Variants in CTSZ observed in about 807,000 individuals in gnomAD.
CTSZ encodes carboxypeptidase LB.
CTSZ carries 39 observed loss-of-function variants against 32.4 expected under a neutral mutation model. The observed-to-expected ratio is 1.20, with a 90% CI of 0.93 to 1.57. The LOEUF (loss-of-function observed/expected upper bound fraction) is 1.57, where lower values mean the gene tolerates loss of function less well. Among genes scored for constraint, CTSZ ranks in the 40% most tolerant of loss-of-function variants. The pLI is 0.00. For missense variants in CTSZ, 397 were observed against 419.6 expected, an observed-to-expected ratio of 0.95 and a Z score of 0.47; for synonymous variants, 168 against 170.1, an observed-to-expected ratio of 0.99 and a Z score of 0.10.
rs1215751738 is a variant in CTSZ at position 59,007,156 on chromosome 20, T to TCCGGATCCCGCTCCGAGTC, written c.-47_-29dup. 1.2e-5 allele frequency: 16 copies of TCCGGATCCCGCTCCGAGTC among 1,320,798 alleles called. No homozygotes were observed. In the African/African-American group the frequency reaches 1.6e-4, roughly 13 times the overall value. 81.8% of individuals were successfully genotyped at this position (1,320,798 alleles called of 1,614,324 possible). A position where few individuals can be genotyped will look rare whatever the true frequency, so the allele number is the denominator to read the frequency against. On this transcript the variant is annotated 5_prime_UTR_variant, in exon 1 of 6. Coordinates refer to ENST00000217131, the MANE Select transcript of CTSZ (RefSeq NM_001336.4). ...CCCCGCGCCGGCTCCTGGGTCCCGC[T>TCCGGATCCCGCTCCGAGTC]CCGGATCCCGCTCCGAGTCCCAGAT...
intron 5 of CTSZ, among the ~76,000 whole-genome samples, chr20:58,996,061 A>G (rs2091858336): frequency 6.6e-6 from 1 of 152,278 alleles, no homozygotes; most frequent in East Asian, 1.9e-4. Context: ...CCCATTAGTC[A>G]CCTAGTAAAA....
At chr20:59,005,956 C>T (rs1357381486) in intron 2 of CTSZ, 2 of 230,216 alleles carry the variant, frequency 8.7e-6, no homozygotes, top group African/African-American at 4.5e-5. Flanking sequence ...GACAGGCTTT[C>T]ATCTGTGCTG....
Position 59,004,459 on chromosome 20 carries a change from C to T in CTSZ, c.307+1863G>A, listed in dbSNP as rs1221033643. The stretch of plus-strand genomic sequence containing the variant: ...CCAGGTGGCAGTGGAAAGAACAGTG[C>T]CGGTGGAGTGGCAGAGGTGGGACTG... On this transcript the variant is annotated intron_variant, in intron 2 of 5. Coordinates refer to ENST00000217131, the MANE Select transcript of CTSZ (RefSeq NM_001336.4). This position sits in a 1 kb window ranked among gnomAD's most constrained non-coding sequence, Gnocchi z 5.6. Among the ~76,000 whole-genome samples the T allele has an allele frequency of 1.3e-5, 2 of 151,582 alleles. No homozygotes were observed. The highest frequency in any genetic ancestry group is 2.9e-5 in the Non-Finnish European group (2 of 67,862).
chr20:58,996,398 A>C (rs1286916527), intron 5 of CTSZ, among the ~76,000 whole-genome samples: 1 of 152,122 alleles, frequency 6.6e-6, no homozygotes, highest in African/African-American at 2.4e-5. Context: ...GGAGTCACCT[A>C]GTGGGTGGAG....
In CTSZ at chr20:59,002,622, C is replaced by T. The variant is rs2091894131; in HGVS notation, c.308-978G>A. On this transcript the variant is annotated intron_variant, in intron 2 of 5. Transcript: ENST00000217131. This position sits in a 1 kb window ranked among gnomAD's most constrained non-coding sequence, Gnocchi z 4.1. ...ACAGTCCGCTCCTCCACCTGGCCTC[C>T]TCCCGGTCGCCCAGCCAGGGGCCTT... Among the ~76,000 whole-genome samples, 1 of 152,166 alleles carries T rather than the reference C, an allele frequency of 6.6e-6. No homozygotes were observed. The highest frequency in any genetic ancestry group is 2.1e-4 in the South Asian group (1 of 4,826).
chr20:58,998,400 T>C (rs2091871209), intron 3 of CTSZ, among the ~76,000 whole-genome samples: 1 of 151,092 alleles, frequency 6.6e-6, no homozygotes, highest in Non-Finnish European at 1.5e-5. Context: ...AAAAATTAGC[T>C]GGGTGTGGTG....
Position 59,007,212 on chromosome 20 carries a change from C to CCAGCCT in CTSZ, c.-85_-84insAGGCTG, listed in dbSNP as rs1555808125. ...GCCGGCTCCCGCTCTGGATCCCGCC[C>CCAGCCT]CGGCCTCGGCCTCGGCCCAGCACCC... On this transcript the variant is annotated 5_prime_UTR_variant, in exon 1 of 6. Coordinates refer to ENST00000217131, the MANE Select transcript of CTSZ (RefSeq NM_001336.4). 10 of 1,122,250 alleles carry CCAGCCT rather than the reference C, an allele frequency of 8.9e-6. No homozygotes were observed. The highest frequency in any genetic ancestry group is 1.9e-5 in the African/African-American group (1 of 53,612). The allele number at this position is 1,122,250 out of a possible 1,614,324, so 69.5% of individuals were successfully genotyped here.
intron 3 of CTSZ, 142 bp from the exon 4 acceptor site, chr20:58,997,895 G>A: frequency 1.5e-6 from 1 of 662,382 alleles, no homozygotes; most frequent in South Asian, 3.0e-5. Context: ...GCTATTAGGT[G>A]CTGCTTAATG....
intron 2 of CTSZ, 91 bp from the exon 3 acceptor site, chr20:59,001,735 C>T (rs1207605339): frequency 2.2e-6 from 3 of 1,350,964 alleles, no homozygotes; most frequent in Admixed American, 3.7e-5. Context: ...GATGCAGGCG[C>T]TGCCCAGCCT....
chr20:59,001,105 A>G (rs1469104218), intron 3 of CTSZ, among the ~76,000 whole-genome samples: 1 of 152,176 alleles, frequency 6.6e-6, no homozygotes, highest in African/African-American at 2.4e-5. Context: ...CTGAGATTAC[A>G]GGCATGAGCC....
In CTSZ at chr20:59,004,942, C is replaced by T. The variant is rs115370703; in HGVS notation, c.307+1380G>A. The stretch of plus-strand genomic sequence containing the variant: ...CTTTCTACCCGCAGTCCTTCACAGA[C>T]GCACATCTTGTCACCTGACTCCCTC... On this transcript the variant is annotated intron_variant, in intron 2 of 5. Coordinates refer to ENST00000217131, the MANE Select transcript of CTSZ (RefSeq NM_001336.4). This position sits in a 1 kb window ranked among gnomAD's most constrained non-coding sequence, Gnocchi z 5.6. Among the ~76,000 whole-genome samples, 256 of 152,226 alleles carry T rather than the reference C, an allele frequency of 1.7e-3. No individual in the cohort carries two copies. The highest frequency in any genetic ancestry group is 5.9e-3 in the African/African-American group (244 of 41,518).
intron 3 of CTSZ, among the ~76,000 whole-genome samples, chr20:58,998,718 T>C (rs975972423): frequency 6.6e-6 from 1 of 152,058 alleles, no homozygotes; most frequent in Non-Finnish European, 1.5e-5. Flanking sequence ...TATAAATTAA[T>C]TTAAAAAAAA....
At position 58,995,803 on chromosome 20, in the gene CTSZ, C is replaced by G. The variant is rs769169843; in HGVS notation, c.802-44G>C. 16 of 1,557,532 alleles carry G rather than the reference C, an allele frequency of 1.0e-5. No homozygotes were observed. In the Admixed American group the frequency reaches 2.7e-4, roughly 26 times the overall value. On this transcript the variant is annotated intron_variant, in intron 5 of 5. Coordinates refer to ENST00000217131, the MANE Select transcript of CTSZ (RefSeq NM_001336.4). ...CGCGTCAGCCCATCTGCAGCCGTCTCCCGCTCCCCTTGCTGCCGTCAGCCC... is the reference window on the plus strand; with the variant it reads ...CGCGTCAGCCCATCTGCAGCCGTCTGCCGCTCCCCTTGCTGCCGTCAGCCC...
At chr20:58,997,953 G>T (rs1452538339) in intron 3 of CTSZ, among the ~76,000 whole-genome samples, 200 bp from the exon 4 acceptor site, 1 of 152,152 alleles carries the variant, frequency 6.6e-6, no homozygotes, top group Non-Finnish European at 1.5e-5. Flanking sequence ...CCTTCCCCAG[G>T]CCTTGGCAGA....
rs918868200 is a variant in CTSZ, at chr20:59,006,547, A to G, written c.144-62T>C. ...GGCTCCCGGGGGCCGTGGGCCCAGG[A>G]AGCCCTCGGTAGGGCCCTCCCGCCT... On this transcript the variant is annotated intron_variant, in intron 1 of 5. Transcript: ENST00000217131. The G allele has an allele frequency of 5.2e-6, 8 of 1,537,964 alleles. No homozygotes were observed. In the East Asian group the frequency reaches 1.1e-4, roughly 22 times the overall value.
rs368797360 is a variant in CTSZ, at chr20:58,995,681, C to G, written c.880G>C (p.Glu294Gln). Residue 294 changes from glutamate to glutamine, a missense_variant, in exon 6 of 6, where the codon GAG (glutamate) becomes CAG (glutamine). Physicochemically the swap from Glu to Gln is conservative, Grantham distance 29. Transcript: ENST00000217131. ...KGARYNLAIE[E>Q]HCTFGDPIV ...ATGGGGTCCCCAAATGTACAGTGCT[C>G]CTCGATGGCAAGGTTGTATCTGGCG... 11 of 1,614,186 alleles carry G rather than the reference C, an allele frequency of 6.8e-6. No individual in the cohort carries two copies. The highest frequency in any genetic ancestry group is 9.3e-6 in the Non-Finnish European group (11 of 1,180,036).
rs2146364356 is a variant in CTSZ at position 59,002,064 on chromosome 20, G to A, written c.308-420C>T. Among the ~76,000 whole-genome samples, 1 of 152,386 alleles carries A rather than the reference G, an allele frequency of 6.6e-6. No homozygotes were observed. Among genetic ancestry groups the A allele is most frequent in the South Asian group, 2.1e-4 (1 of 4,832 alleles). On this transcript the variant is annotated intron_variant, in intron 2 of 5. Coordinates refer to ENST00000217131, the MANE Select transcript of CTSZ (RefSeq NM_001336.4). This position sits in a 1 kb window ranked among gnomAD's most constrained non-coding sequence, Gnocchi z 4.1. ...GACCGTCCCTGCCCTCGTGGACAGGGGGCCAAGGTGTCAGCTCTGTGAACG... is the reference window on the plus strand; with the variant it reads ...GACCGTCCCTGCCCTCGTGGACAGGAGGCCAAGGTGTCAGCTCTGTGAACG...
At chr20:58,996,477 C>T (rs1236501130) in intron 5 of CTSZ, 162 bp downstream of exon 5, 1 of 721,398 alleles carries the variant, frequency 1.4e-6, no homozygotes, top group East Asian at 2.5e-5. Flanking sequence ...AGAGAAGGGT[C>T]TGGCCCCAAA....
rs371497156 is a variant in CTSZ, at chr20:58,996,661, C to T, written c.779G>A (p.Arg260Gln). 3.1e-5 allele frequency: 50 copies of T among 1,613,938 alleles called. No homozygotes were observed. Among genetic ancestry groups the T allele is most frequent in the Middle Eastern group, 1.6e-4 (1 of 6,082 alleles). The change falls in exon 5 of 6, where the codon CGG becomes CAG. Residue 260 changes from arginine to glutamine, a missense_variant. By Grantham distance (43) the Arg-to-Gln change is conservative. Coordinates refer to ENST00000217131, the MANE Select transcript of CTSZ (RefSeq NM_001336.4). Reference protein sequence around the residue: ...ISDGTEYWIVRNSWGEPWGER... With the variant: ...ISDGTEYWIVQNSWGEPWGER... ...TACCCATGGTTCACCCCATGAATTC[C>T]GGACAATCCAGTACTCAGTCCCATC... is the stretch of plus-strand genomic sequence containing the variant.
Sources: allele counts gnomAD v4.1 joint callset (sites outside exome capture counted in the v4.1 genomes callset), GRCh38; gene constraint gnomAD v4.1.1; non-coding constraint Gnocchi (gnomAD v3.1); transcripts MANE v1.5; gene names NCBI Gene and HGNC (gene_info 2026-07-23, HGNC 2026-07-21).